RACGAP1: variants seen among roughly 807,000 people sequenced by gnomAD.
The protein encoded by RACGAP1 is Rac GTPase activating protein 1.
A neutral mutation model predicts 78.1 loss-of-function variants in RACGAP1; 30 were observed. The ratio of observed to expected loss-of-function variants is 0.38; its 90% confidence interval spans 0.29 to 0.52. The LOEUF (loss-of-function observed/expected upper bound fraction) is 0.52. Among genes scored for constraint, RACGAP1 ranks in the 20% least tolerant of loss-of-function variants. The pLI, the probability that RACGAP1 is intolerant of heterozygous loss-of-function variation, is 0.82. For missense variants in RACGAP1, 587 were observed against 777.1 expected (o/e 0.76, Z 2.91); for synonymous variants, 231 against 264.8 (o/e 0.87, Z 1.24).
At chr12:50,012,219 G>C (rs948476859) in intron 2 of RACGAP1, among the ~76,000 whole-genome samples, 2 of 152,146 alleles carry the variant, frequency 1.3e-5, no homozygotes, top group Non-Finnish European at 2.9e-5. Context: ...CTGAGGTCGG[G>C]AGTTCAATAT....
intron 7 of RACGAP1, 78 bp from the exon 8 acceptor site, chr12:49,999,811 TA>T: frequency 8.3e-7 from 1 of 1,199,954 alleles, no homozygotes. Context: ...TTGGAGCAGG[TA>T]AAAAATTCCT....
chr12:49,997,301 A>C, intron 9 of RACGAP1, 97 bp from the exon 10 acceptor site: 1 of 1,364,150 alleles, frequency 7.3e-7, no homozygotes, highest in Non-Finnish European at 9.5e-7. Flanking sequence ...TTGAGACCGA[A>C]TCTCACTCTC....
chr12:50,007,467 C>T (rs1460639929), intron 2 of RACGAP1, among the ~76,000 whole-genome samples: 2 of 152,114 alleles, frequency 1.3e-5, no homozygotes, highest in Admixed American at 6.6e-5. Context: ...AGTTAACCTC[C>T]GTCTATCTCT....
chr12:50,022,787 A>G (rs10875993), intron 1 of RACGAP1, among the ~76,000 whole-genome samples: 23,238 of 152,120 alleles, frequency 0.15, 2,865 homozygotes, highest in African/African-American at 0.34. Flanking sequence ...ATGAACAACT[A>G]TTTAACTATT....
chr12:50,028,308 C>CTT (rs1950298917), upstream of RACGAP1, among the ~76,000 whole-genome samples: 3 of 152,318 alleles, frequency 2.0e-5, no homozygotes, highest in East Asian at 5.8e-4. Context: ...AGCTTTCTCT[C>CTT]TTTCCCTTAC....
intron 10 of RACGAP1, among the ~76,000 whole-genome samples, chr12:49,996,628 T>TAAAAAAGAAAAA (rs1948287540): frequency 5.3e-5 from 1 of 18,990 alleles, no homozygotes; most frequent in African/African-American, 2.3e-4. Context: ...GCAATAGAGC[T>TAAAAAAGAAAAA]AAAAAAAAAA....
In RACGAP1 at chr12:50,005,242, T is replaced by C; in HGVS notation, c.425+14A>G. On this transcript the variant is annotated intron_variant, in intron 4 of 16. Transcript: ENST00000312377. ...TTGCTTGTGATAGGATAACAACAGA[T>C]GCAGTTCCTCCACCTTTTGTTCCCA... 3.1e-6 allele frequency: 5 copies of C among 1,613,800 alleles called. No homozygotes were observed. The highest frequency in any genetic ancestry group is 3.4e-6 in the Non-Finnish European group (4 of 1,179,964).
chr12:50,030,869 TC>T (rs1385599184), intron 2 of RACGAP1, among the ~76,000 whole-genome samples: 4 of 151,126 alleles, frequency 2.6e-5, no homozygotes. Context: ...AACCTCCGCC[TC>T]CCAGTTTCAA....
chr12:50,027,409 G>C (rs1950288619), upstream of RACGAP1, among the ~76,000 whole-genome samples: 1 of 152,168 alleles, frequency 6.6e-6, no homozygotes, highest in South Asian at 2.1e-4. Context: ...TGTTAAAAAA[G>C]CCTGCAGAGA....
At chr12:50,004,678 G>T (rs1173937215) in intron 4 of RACGAP1, among the ~76,000 whole-genome samples, 1 of 152,206 alleles carries the variant, frequency 6.6e-6, no homozygotes, top group African/African-American at 2.4e-5. Context: ...ACAAACAAGA[G>T]TATTACCCAA....
At chr12:50,003,171 A>G (rs1039014301) in intron 5 of RACGAP1, among the ~76,000 whole-genome samples, 1 of 152,076 alleles carries the variant, frequency 6.6e-6, no homozygotes, top group African/African-American at 2.4e-5. Context: ...GTTACCTGTG[A>G]TTTCCTTACT....
At position 49,997,526 on chromosome 12, in the gene RACGAP1, G is replaced by A. The variant is rs554863977; in HGVS notation, c.880-322C>T. 5.3e-5 allele frequency among the ~76,000 whole-genome samples: 8 copies of A among 151,386 alleles called. No homozygotes were observed. In the South Asian group the frequency reaches 1.5e-3, roughly 28 times the overall value. On this transcript the variant is annotated intron_variant, in intron 9 of 16. Coordinates refer to ENST00000312377, the MANE Select transcript of RACGAP1 (RefSeq NM_001319999.2). ...CCTGACCTTGTGATTCACCCACCTC[G>A]ACCTCCCAAAGTGCTGGGATTACAG...
At chr12:50,009,101 AC>A (rs1949150356) in intron 2 of RACGAP1, among the ~76,000 whole-genome samples, 3 of 151,766 alleles carry the variant, frequency 2.0e-5, no homozygotes, top group Admixed American at 2.0e-4. Flanking sequence ...ACATGGTGAA[AC>A]CCTGTCTCTA....
intron 5 of RACGAP1, chr12:50,002,695 C>T (rs1948753101): frequency 6.3e-6 from 1 of 157,806 alleles, no homozygotes; most frequent in African/African-American, 2.4e-5. Context: ...TTGCCACTGT[C>T]TAATCAAATG....
upstream of RACGAP1, among the ~76,000 whole-genome samples, chr12:50,026,527 C>T (rs1484387809): frequency 6.6e-6 from 1 of 152,000 alleles, no homozygotes; most frequent in Admixed American, 6.6e-5. Context: ...ATCTTAAATG[C>T]TCTCACCACA....
chr12:50,000,179 A>G (rs1465396732), intron 7 of RACGAP1, among the ~76,000 whole-genome samples: 2 of 151,690 alleles, frequency 1.3e-5, no homozygotes, highest in Non-Finnish European at 2.9e-5. Context: ...ATGCCCAGCT[A>G]ATTTTTTGTA....
At chr12:50,012,577 A>T (rs1565691533) in intron 2 of RACGAP1, among the ~76,000 whole-genome samples, 2 of 151,336 alleles carry the variant, frequency 1.3e-5, no homozygotes, top group Non-Finnish European at 1.5e-5. Flanking sequence ...AATAAAAAAA[A>T]TAAATAAATA....
rs189141011 is a variant in RACGAP1 at position 50,017,931 on chromosome 12, C to A, written c.-4-1212G>T. Among the ~76,000 whole-genome samples, 28 of 152,176 alleles carry A rather than the reference C, an allele frequency of 1.8e-4. No homozygotes were observed. In the East Asian group the frequency reaches 3.7e-3, roughly 20 times the overall value. The stretch of plus-strand genomic sequence containing the variant: ...CAGCACTTTGGGAGGCCCAGGCGGG[C>A]GGATCACTTGAGGTCAGGAGTTCGA... On this transcript the variant is annotated intron_variant, in intron 1 of 16. Transcript: ENST00000312377.
At chr12:50,018,200 T>C (rs1009798930) in intron 1 of RACGAP1, among the ~76,000 whole-genome samples, 1 of 151,500 alleles carries the variant, frequency 6.6e-6, no homozygotes, top group African/African-American at 2.4e-5. Context: ...AGATATTTTA[T>C]ATATTAAATG....
Sources: gnomAD v4.1 joint callset for allele counts (sites outside exome capture counted in the v4.1 genomes callset) on GRCh38, gnomAD v4.1.1 for gene constraint, MANE v1.5 for transcripts, NCBI Gene and HGNC (gene_info 2026-07-23, HGNC 2026-07-21) for gene names.